The following NAALADL2 variants were observed in gnomAD, a reference collection of about 807,000 sequenced individuals.
The protein encoded by NAALADL2 is N-acetylated alpha-linked acidic dipeptidase like 2, also known as inactive N-acetylated-alpha-linked acidic dipeptidase-like protein 2.
A neutral mutation model predicts 87.2 loss-of-function variants in NAALADL2; 76 were observed. That is an observed-to-expected ratio of 0.87 (90% CI 0.72 to 1.05). The LOEUF (loss-of-function observed/expected upper bound fraction) is 1.05, where lower values mean the gene tolerates loss of function less well. Ranked by LOEUF, NAALADL2 falls within the 50% of genes least tolerant of loss-of-function variation. The pLI is 0.00. For synonymous variants in NAALADL2, 354 were observed against 331.0 expected, an observed-to-expected ratio of 1.07 and a Z score of -0.75; for missense variants, 1,089 against 945.8, an observed-to-expected ratio of 1.15 and a Z score of -1.99.
intron 1 of NAALADL2, among the ~76,000 whole-genome samples, chr3:175,045,606 A>G (rs2108992503): frequency 6.6e-6 from 1 of 152,276 alleles, no homozygotes; most frequent in Non-Finnish European, 1.5e-5. Flanking sequence ...ATCAGAGAAA[A>G]ATGATTTATT....
chr3:175,098,598 C>G (rs1198811535), intron 2 of NAALADL2, among the ~76,000 whole-genome samples: 1 of 152,146 alleles, frequency 6.6e-6, no homozygotes, highest in East Asian at 1.9e-4. Flanking sequence ...AGTGTCCTAG[C>G]AGTTGTCCTG....
intron 1 of NAALADL2, among the ~76,000 whole-genome samples, chr3:174,508,114 G>GTTTTTTTTTTTTTGTTTTTT (rs57393523): frequency 9.6e-6 from 1 of 103,882 alleles, no homozygotes; most frequent in South Asian, 3.8e-4. Context: ...ATATCTAGTG[G>GTTTTTTTTTTTTTGTTTTTT]TTTTTTTTTT....
At chr3:175,246,071 C>G (rs190728026) in intron 3 of NAALADL2, among the ~76,000 whole-genome samples, 131 of 152,134 alleles carry the variant, frequency 8.6e-4, no homozygotes, top group African/African-American at 2.9e-3. Context: ...ACTGAGTGAA[C>G]CTAAAACAGA....
chr3:174,614,115 C>T (rs989409598), intron 2 of NAALADL2, among the ~76,000 whole-genome samples: 2 of 152,066 alleles, frequency 1.3e-5, no homozygotes, highest in African/African-American at 4.8e-5. Context: ...AGGAAAGGGC[C>T]TTTTTTAGAG....
intron 13 of NAALADL2, among the ~76,000 whole-genome samples, chr3:175,789,960 A>C (rs778519339): frequency 1.3e-5 from 2 of 152,132 alleles, no homozygotes; most frequent in African/African-American, 4.8e-5. Flanking sequence ...GTTTAAACAC[A>C]TAGTGACAAC....
chr3:175,365,278 T>C (rs1465544867), intron 5 of NAALADL2, among the ~76,000 whole-genome samples: 1 of 147,420 alleles, frequency 6.8e-6, no homozygotes, highest in African/African-American at 2.5e-5. Flanking sequence ...AATAATTTGT[T>C]TTTACATATT....
At chr3:175,487,142 C>T (rs903795001) in intron 9 of NAALADL2, among the ~76,000 whole-genome samples, 2 of 152,244 alleles carry the variant, frequency 1.3e-5, no homozygotes, top group African/African-American at 4.8e-5. Context: ...TTGACTGACC[C>T]TATCTACTAC....
At chr3:174,835,645 A>C (rs1286269116) in intron 3 of NAALADL2, among the ~76,000 whole-genome samples, 1 of 152,128 alleles carries the variant, frequency 6.6e-6, no homozygotes, top group Non-Finnish European at 1.5e-5. Flanking sequence ...CAACTTCTCC[A>C]ACTCAAAAAC....
intron 2 of NAALADL2, among the ~76,000 whole-genome samples, chr3:174,714,861 T>C (rs947253838): frequency 6.6e-6 from 1 of 152,216 alleles, no homozygotes; most frequent in Non-Finnish European, 1.5e-5. Context: ...AGAGAGGGCA[T>C]CCCTGTCTTG....
intron 11 of NAALADL2, among the ~76,000 whole-genome samples, chr3:175,687,912 C>T (rs1175313871): frequency 6.6e-6 from 1 of 152,026 alleles, no homozygotes; most frequent in Non-Finnish European, 1.5e-5. Flanking sequence ...CTTCCTGAGG[C>T]CTCACCAGAA....
At chr3:175,657,960 C>G (rs1162800778) in intron 11 of NAALADL2, among the ~76,000 whole-genome samples, 10 of 151,390 alleles carry the variant, frequency 6.6e-5, no homozygotes, top group African/African-American at 2.4e-4. Flanking sequence ...TGAACTTAAT[C>G]TAATATGTAT....
At chr3:175,260,393 G>C (rs1324839621) in intron 4 of NAALADL2, among the ~76,000 whole-genome samples, 2 of 152,236 alleles carry the variant, frequency 1.3e-5, no homozygotes, top group East Asian at 1.9e-4. Flanking sequence ...CATCTCTTCT[G>C]TTTTCTGTGG....
At position 174,789,062 on chromosome 3, in the gene NAALADL2, C is replaced by T. The variant is rs562416951; in HGVS notation, c.-9+51316C>T. Among the ~76,000 whole-genome samples, 24 of 152,306 alleles carry T rather than the reference C, an allele frequency of 1.6e-4. No homozygotes were observed. In the South Asian group the frequency reaches 5.0e-3, roughly 32 times the overall value. ...AATAGCCTATGTGATTAGGATCTGT[C>T]TGGGACCTATTACATCTTCTTTTGC... is the stretch of plus-strand genomic sequence containing the variant. On this transcript the variant is annotated intron_variant, in intron 3 of 3. Coordinates refer to the NAALADL2 transcript ENST00000434257.
At chr3:175,191,827 A>T (rs540807872) in intron 2 of NAALADL2, among the ~76,000 whole-genome samples, 37 of 152,340 alleles carry the variant, frequency 2.4e-4, no homozygotes, top group African/African-American at 3.4e-4. Flanking sequence ...GATCACACTT[A>T]AAATCTTCAA....
intron 3 of NAALADL2, among the ~76,000 whole-genome samples, chr3:174,789,200 A>G (rs1485213013): frequency 6.6e-6 from 1 of 152,148 alleles, no homozygotes; most frequent in African/African-American, 2.4e-5. Context: ...GGACTGGGAG[A>G]GAGCATAACT....
intron 1 of NAALADL2, among the ~76,000 whole-genome samples, chr3:174,449,303 T>C (rs1715297480): frequency 6.6e-6 from 1 of 152,206 alleles, no homozygotes; most frequent in African/African-American, 2.4e-5. Context: ...TCTAGCTTCT[T>C]GTGAAACCTA....
chr3:174,554,964 T>C (rs141397614), intron 2 of NAALADL2, among the ~76,000 whole-genome samples: 151 of 152,328 alleles, frequency 9.9e-4, no homozygotes, highest in African/African-American at 3.2e-3. Context: ...TTTCTTCACA[T>C]AGTGGAAGGG....
intron 3 of NAALADL2, among the ~76,000 whole-genome samples, chr3:174,852,073 A>G (rs1725319542): frequency 6.6e-6 from 1 of 152,050 alleles, no homozygotes; most frequent in African/African-American, 2.4e-5. Context: ...AGAAGGAACC[A>G]ACCTGATAAC....
In NAALADL2 at chr3:175,210,420, T is replaced by C. The variant is rs546642609; in HGVS notation, c.546-23511T>C. On this transcript the variant is annotated intron_variant, in intron 2 of 13. Coordinates refer to ENST00000454872, the MANE Select transcript of NAALADL2 (RefSeq NM_207015.3). ...CACATACACTTTGATCTTACTTTTT[T>C]GTTATGAAATAATTTCTACATAGGT... Among the ~76,000 whole-genome samples, 7 of 151,954 alleles carry C rather than the reference T, an allele frequency of 4.6e-5. No individual in the cohort carries two copies. The South Asian group carries it at 1.4e-3, about 31-fold the overall frequency.
Sources: allele counts gnomAD v4.1 joint callset (sites outside exome capture counted in the v4.1 genomes callset), GRCh38; gene constraint gnomAD v4.1.1; transcripts MANE v1.5; gene names NCBI Gene and HGNC (gene_info 2026-07-23, HGNC 2026-07-21).